ATP2B4: variants seen among roughly 807,000 people sequenced by gnomAD.
ATP2B4 encodes plasma membrane calcium-transporting ATPase 4.
ATP2B4 carries 39 observed loss-of-function variants against 110.3 expected under a neutral mutation model. The observed-to-expected ratio is 0.35, with a 90% CI of 0.27 to 0.46. ATP2B4 has a LOEUF of 0.46. Among genes scored for constraint, ATP2B4 ranks in the 20% least tolerant of loss-of-function variants. ATP2B4 has a pLI of 1.00. For synonymous variants in ATP2B4, 538 were observed against 571.7 expected, an observed-to-expected ratio of 0.94 and a Z score of 0.84; for missense variants, 1,135 against 1,530.9, an observed-to-expected ratio of 0.74 and a Z score of 4.32.
At chr1:203,628,209 C>T (rs962090244) in intron 1 of ATP2B4, among the ~76,000 whole-genome samples, 1 of 152,162 alleles carries the variant, frequency 6.6e-6, no homozygotes, top group Non-Finnish European at 1.5e-5. Flanking sequence ...GCTCTCCCTT[C>T]TCTCTTTCTT....
At chr1:203,645,224 C>G (rs1663758461) in intron 1 of ATP2B4, among the ~76,000 whole-genome samples, 1 of 152,118 alleles carries the variant, frequency 6.6e-6, no homozygotes, top group South Asian at 2.1e-4. Flanking sequence ...CCCCAAAGTC[C>G]CTTGTCTAAA....
intron 14 of ATP2B4, 148 bp downstream of exon 14, chr1:203,713,400 G>A: frequency 1.4e-6 from 1 of 721,234 alleles, no homozygotes; most frequent in Non-Finnish European, 2.4e-6. Flanking sequence ...CATACAGTTA[G>A]CAAACATCTG....
At position 203,719,452 on chromosome 1, in the gene ATP2B4, A is replaced by G. The variant is rs574801421; in HGVS notation, c.2407-1097A>G. ...AGTCTGGGCACGGTGGCACATGACT[A>G]TAATCCCAGCACTTTGGGAGGCCAA... On this transcript the variant is annotated intron_variant, in intron 15 of 20. Coordinates refer to ENST00000357681, the MANE Select transcript of ATP2B4 (RefSeq NM_001684.5). Among the ~76,000 whole-genome samples, 144 of 151,812 alleles carry G rather than the reference A, an allele frequency of 9.5e-4. 1 individual carries two copies. The highest frequency in any genetic ancestry group is 6.9e-3 in the Middle Eastern group (2 of 290).
intron 1 of ATP2B4, among the ~76,000 whole-genome samples, chr1:203,653,495 T>C (rs973794654): frequency 1.3e-5 from 2 of 152,208 alleles, no homozygotes; most frequent in African/African-American, 4.8e-5. Flanking sequence ...TCTACGACTT[T>C]CATAGCTAGA....
At chr1:203,658,990 T>G (rs1664252354) in intron 1 of ATP2B4, among the ~76,000 whole-genome samples, 2 of 151,308 alleles carry the variant, frequency 1.3e-5, no homozygotes, top group African/African-American at 4.9e-5. Flanking sequence ...GGTGACAAAG[T>G]GAGACTGCGT....
chr1:203,666,090 C>T (rs1036198147), intron 1 of ATP2B4, among the ~76,000 whole-genome samples: 10 of 152,222 alleles, frequency 6.6e-5, no homozygotes, highest in Admixed American at 1.3e-4. Flanking sequence ...GTGGAGCATA[C>T]GTGGTAATTA....
intron 20 of ATP2B4, among the ~76,000 whole-genome samples, chr1:203,735,180 C>A (rs1571782189): frequency 6.6e-6 from 1 of 152,118 alleles, no homozygotes; most frequent in East Asian, 1.9e-4. Context: ...ATTGTTTCAC[C>A]AATAGCCAGC....
At position 203,698,369 on chromosome 1, in the gene ATP2B4, C is replaced by A; in HGVS notation, c.391+15C>A. The A allele has an allele frequency of 6.2e-7, 1 of 1,613,192 alleles. No homozygotes were observed. Among genetic ancestry groups the A allele is most frequent in the East Asian group, 2.2e-5 (1 of 44,854 alleles). Reference sequence around the variant, plus strand: ...AGAAAATGAACGTGAGTGTCCTAAACAGCTCAGCGTGACTCTTATCTGGGT... The same window carrying A: ...AGAAAATGAACGTGAGTGTCCTAAAAAGCTCAGCGTGACTCTTATCTGGGT... On this transcript the variant is annotated intron_variant, in intron 3 of 20. Transcript: ENST00000357681.
chr1:203,655,142 T>C (rs1380703299), intron 1 of ATP2B4, among the ~76,000 whole-genome samples: 1 of 152,118 alleles, frequency 6.6e-6, no homozygotes, highest in Non-Finnish European at 1.5e-5. Flanking sequence ...AGGAGTTGCT[T>C]TTTAGGAATG....
At chr1:203,672,020 G>T (rs1664678339) in intron 1 of ATP2B4, among the ~76,000 whole-genome samples, 1 of 152,192 alleles carries the variant, frequency 6.6e-6, no homozygotes, top group Admixed American at 6.5e-5. Flanking sequence ...GCTGGTGGGG[G>T]CTGGGGGGAG....
chr1:203,700,268 T>C lies in ATP2B4; in HGVS notation c.712T>C (p.Ser238Pro). Residue 238 changes from serine to proline, a missense_variant, in exon 5 of 21, where the codon TCT becomes CCT. Ser to Pro is a moderately conservative substitution (Grantham distance 74). This residue lies in a region of ATP2B4 where 101 missense variants were observed against 182.6 expected (regional missense o/e 0.55). Transcript: ENST00000357681. ...QGNDLKIDESSLTGESDHVKK... is the reference protein window; with the variant it reads ...QGNDLKIDESPLTGESDHVKK... ...GAATGATCTGAAGATTGATGAGAGCTCTCTGACAGGGGAATCTGACCATGT... is the reference window on the plus strand; with the variant it reads ...GAATGATCTGAAGATTGATGAGAGCCCTCTGACAGGGGAATCTGACCATGT... The C allele has an allele frequency of 6.2e-7, 1 of 1,613,988 alleles. No homozygotes were observed. Among genetic ancestry groups the C allele is most frequent in the Non-Finnish European group, 8.5e-7 (1 of 1,179,920 alleles).
At chr1:203,722,062 T>C (rs1666353936) in intron 17 of ATP2B4, among the ~76,000 whole-genome samples, 2 of 152,178 alleles carry the variant, frequency 1.3e-5, no homozygotes, top group South Asian at 4.1e-4. Flanking sequence ...CCAGCGCACA[T>C]AGTCTTACTA....
At chr1:203,644,618 C>T (rs967213632) in intron 1 of ATP2B4, among the ~76,000 whole-genome samples, 1 of 152,178 alleles carries the variant, frequency 6.6e-6, no homozygotes, top group Non-Finnish European at 1.5e-5. Flanking sequence ...TCTCTGCTTC[C>T]TCCTACCCAA....
intron 5 of ATP2B4, 112 bp from the exon 6 acceptor site, chr1:203,700,686 A>G (rs896019282): frequency 6.3e-6 from 9 of 1,420,674 alleles, no homozygotes; most frequent in African/African-American, 1.4e-5. Context: ...TAAGCACATC[A>G]TTATCCATGG....
rs57144862 is a variant in ATP2B4 at position 203,672,324 on chromosome 1, C to CTTTTTT, written c.-464-10391_-464-10386dup. 6.3e-3 allele frequency among the ~76,000 whole-genome samples: 503 copies of CTTTTTT among 79,484 alleles called. 13 individuals carry two copies. Among genetic ancestry groups the CTTTTTT allele is most frequent in the East Asian group, 9.6e-3 (8 of 836 alleles). 52.1% of individuals were successfully genotyped at this position (79,484 alleles called of 152,430 possible). On this transcript the variant is annotated intron_variant, in intron 1 of 20. Transcript: ENST00000357681. ...TGTTCCTGAGTAAGTTGCGGTGGCT[C>CTTTTTT]TTTTTTTTTTTTTTTTTTTTTTTTT...
chr1:203,643,638 G>C (rs1663699995), intron 1 of ATP2B4, among the ~76,000 whole-genome samples: 7 of 152,244 alleles, frequency 4.6e-5, no homozygotes. Flanking sequence ...GATCACTTAA[G>C]TGCTCCAGGC....
chr1:203,651,468 C>T (rs973432978), intron 1 of ATP2B4, among the ~76,000 whole-genome samples: 2 of 152,188 alleles, frequency 1.3e-5, no homozygotes, highest in Non-Finnish European at 2.9e-5. Flanking sequence ...ATGACCCTTT[C>T]CTATCCCATC....
rs149259722 is a variant in ATP2B4, at chr1:203,706,801, C to T, written c.1100-208C>T. 2.0e-5 allele frequency among the ~76,000 whole-genome samples: 3 copies of T among 152,244 alleles called. No individual in the cohort carries two copies. The East Asian group carries it at 5.8e-4, about 29-fold the overall frequency. Reference sequence around the variant, plus strand: ...AGTTAGTGCAGTGCTGAGAATAGAACCTGTGTCTTTGAAATACGAAACCAC... The same window carrying T: ...AGTTAGTGCAGTGCTGAGAATAGAATCTGTGTCTTTGAAATACGAAACCAC... On this transcript the variant is annotated intron_variant, in intron 8 of 20. Coordinates refer to ENST00000357681, the MANE Select transcript of ATP2B4 (RefSeq NM_001684.5).
intron 1 of ATP2B4, chr1:203,657,514 C>A: frequency 1.3e-6 from 1 of 795,460 alleles, no homozygotes; most frequent in East Asian, 2.4e-5. Flanking sequence ...GTCTTTTCAT[C>A]CTTCTTTTGT....
Sources: allele counts gnomAD v4.1 joint callset (sites outside exome capture counted in the v4.1 genomes callset), GRCh38; gene constraint gnomAD v4.1.1; regional missense constraint gnomAD v4.1.1; transcripts MANE v1.5; gene names NCBI Gene and HGNC (gene_info 2026-07-23, HGNC 2026-07-21).